PRKCB: variants seen among roughly 807,000 people sequenced by gnomAD.
The protein encoded by PRKCB is protein kinase C beta.
PRKCB carries 13 observed loss-of-function variants against 81.5 expected under a neutral mutation model. That is an observed-to-expected ratio of 0.16 (90% CI 0.10 to 0.25). The LOEUF is 0.25. PRKCB is among the 10% of genes least tolerant of loss of function. The probability of loss-of-function intolerance (pLI) is 1.00; values close to 1 mark genes in which losing one functional copy is unlikely to be tolerated. For missense variants in PRKCB, 509 were observed against 875.7 expected (o/e 0.58, Z 5.29); for synonymous variants, 335 against 321.4 (o/e 1.04, Z -0.45).
Position 24,218,096 on chromosome 16 carries a change from G to A in PRKCB, c.*3280G>A. On this transcript the variant is annotated 3_prime_UTR_variant, in exon 17 of 17. Coordinates refer to ENST00000643927, the MANE Select transcript of PRKCB (RefSeq NM_002738.7). The stretch of plus-strand genomic sequence containing the variant: ...TTCTTAGCACTGGAAATACACTAGT[G>A]AAGAAGCAGATGAGGACCCTGTTTA... 2 of 985,304 alleles carry A rather than the reference G, an allele frequency of 2.0e-6. No homozygotes were observed. Among genetic ancestry groups the A allele is most frequent in the Non-Finnish European group, 2.4e-6 (2 of 829,878 alleles). The allele number at this position is 985,304 out of a possible 1,614,324, so 61.0% of individuals were successfully genotyped here. A position where few individuals can be genotyped will look rare whatever the true frequency, so the allele number is the denominator to read the frequency against.
At chr16:24,080,550 A>G (rs1966237150) in intron 5 of PRKCB, among the ~76,000 whole-genome samples, 2 of 152,162 alleles carry the variant, frequency 1.3e-5, no homozygotes, top group South Asian at 4.2e-4. Context: ...GTTGTTGGAC[A>G]TGTTGAGTTT....
chr16:23,926,399 A>C (rs1450087791), intron 2 of PRKCB, among the ~76,000 whole-genome samples: 1 of 151,742 alleles, frequency 6.6e-6, no homozygotes, highest in Non-Finnish European at 1.5e-5. Context: ...TGGAAGAATC[A>C]CTTGAACCCG....
chr16:24,023,729 A>C (rs1241593880), intron 3 of PRKCB, among the ~76,000 whole-genome samples: 1 of 152,104 alleles, frequency 6.6e-6, no homozygotes, highest in Non-Finnish European at 1.5e-5. Flanking sequence ...GGAAATATTG[A>C]AATACTCTGA....
At chr16:24,139,192 A>G (rs202215306) in intron 9 of PRKCB, among the ~76,000 whole-genome samples, 1 of 55,678 alleles carries the variant, frequency 1.8e-5, no homozygotes, top group Non-Finnish European at 3.4e-5. Context: ...TTTGCTTAGG[A>G]TAAGGATAAG....
At chr16:24,118,885 C>A (rs552804036) in intron 8 of PRKCB, among the ~76,000 whole-genome samples, 4 of 152,198 alleles carry the variant, frequency 2.6e-5, no homozygotes, top group African/African-American at 7.2e-5. Context: ...GGACAAAGGA[C>A]AGGGCTCCTG....
Position 24,215,003 on chromosome 16 carries a change from C to T in PRKCB, c.*187C>T. The T allele has an allele frequency of 7.2e-7, 1 of 1,397,290 alleles. No individual in the cohort carries two copies. Among genetic ancestry groups the T allele is most frequent in the Non-Finnish European group, 9.3e-7 (1 of 1,077,990 alleles). The allele number at this position is 1,397,290 out of a possible 1,614,324, so 86.6% of individuals were successfully genotyped here. On this transcript the variant is annotated 3_prime_UTR_variant, in exon 17 of 17. Transcript: ENST00000643927. ...AGCATCTCTATGAGATGGGATTATG[C>T]AGATGGCCTATGGAAAATGCAGCTG...
intron 2 of PRKCB, among the ~76,000 whole-genome samples, chr16:23,854,037 ATC>A (rs1167123874): frequency 1.3e-5 from 2 of 148,190 alleles, no homozygotes; most frequent in Non-Finnish European, 3.0e-5. Flanking sequence ...AAACCATCAG[ATC>A]TCGTGAGACT....
At chr16:24,087,536 G>T (rs759126332) in intron 5 of PRKCB, among the ~76,000 whole-genome samples, 1 of 152,108 alleles carries the variant, frequency 6.6e-6, no homozygotes, top group African/African-American at 2.4e-5. Context: ...TCCTTCACTG[G>T]AATGAATTAC....
intron 2 of PRKCB, among the ~76,000 whole-genome samples, chr16:23,981,405 T>A (rs1053482831): frequency 6.6e-6 from 1 of 151,924 alleles, no homozygotes; most frequent in African/African-American, 2.4e-5. Flanking sequence ...TTTCTCAAGA[T>A]CCTTAATTTA....
chr16:24,202,472 T>C (rs1359780227), intron 16 of PRKCB, among the ~76,000 whole-genome samples: 1 of 152,196 alleles, frequency 6.6e-6, no homozygotes, highest in Non-Finnish European at 1.5e-5. Context: ...TATTAGGTGC[T>C]CTAATCCTTT....
chr16:24,205,145 C>CTTTTT (rs71154289), intron 16 of PRKCB, among the ~76,000 whole-genome samples: 1 of 115,674 alleles, frequency 8.6e-6, no homozygotes, highest in Admixed American at 9.8e-5. Context: ...ATTATAATTC[C>CTTTTT]TTTTTTTTTT....
At chr16:23,863,710 G>A (rs922858569) in intron 2 of PRKCB, among the ~76,000 whole-genome samples, 2 of 152,196 alleles carry the variant, frequency 1.3e-5, no homozygotes, top group Non-Finnish European at 2.9e-5. Flanking sequence ...CCTGGAGTCA[G>A]TCTTGTCCGC....
intron 12 of PRKCB, among the ~76,000 whole-genome samples, chr16:24,178,416 G>T (rs972987428): frequency 6.6e-6 from 1 of 152,220 alleles, no homozygotes; most frequent in African/African-American, 2.4e-5. Flanking sequence ...CCAGCCTCAG[G>T]ACTGCCTGGC....
intron 7 of PRKCB, among the ~76,000 whole-genome samples, chr16:24,096,544 T>A (rs1314562610): frequency 6.6e-6 from 1 of 150,676 alleles, no homozygotes; most frequent in Non-Finnish European, 1.5e-5. Flanking sequence ...TCCTTGGGAG[T>A]CCTTAGCAAG....
chr16:24,168,639 C>A (rs1967388272), intron 10 of PRKCB, among the ~76,000 whole-genome samples: 1 of 134,572 alleles, frequency 7.4e-6, no homozygotes, highest in Non-Finnish European at 1.6e-5. Context: ...TAGCCTTGAA[C>A]TCCTGGGCTC....
chr16:24,022,920 T>A (rs1471114167), intron 3 of PRKCB, among the ~76,000 whole-genome samples: 1 of 152,248 alleles, frequency 6.6e-6, no homozygotes, highest in Admixed American at 6.5e-5. Flanking sequence ...GGTTCCACAC[T>A]GTGGCCCCTG....
rs147762023 is a variant in PRKCB at position 23,942,008 on chromosome 16, T to A, written c.206-46500T>A. The stretch of plus-strand genomic sequence containing the variant: ...ATTTTAGCAACTCTAAAGGAATCCA[T>A]TGAAAAACTATTAGTACAAATAACA... On this transcript the variant is annotated intron_variant, in intron 2 of 16. Coordinates refer to ENST00000643927, the MANE Select transcript of PRKCB (RefSeq NM_002738.7). 3.3e-3 allele frequency among the ~76,000 whole-genome samples: 501 copies of A among 152,342 alleles called. 1 individual carries two copies. Among genetic ancestry groups the A allele is most frequent in the Middle Eastern group, 0.014 (4 of 294 alleles).
chr16:23,931,254 C>A (rs1441430173), intron 2 of PRKCB, among the ~76,000 whole-genome samples: 1 of 152,114 alleles, frequency 6.6e-6, no homozygotes. Flanking sequence ...ATGGTTGTCC[C>A]AAGATTCTGG....
intron 13 of PRKCB, among the ~76,000 whole-genome samples, chr16:24,181,704 G>C (rs942113066): frequency 2.1e-5 from 3 of 143,010 alleles, no homozygotes; most frequent in African/African-American, 7.8e-5. Flanking sequence ...GGAGGTCCAG[G>C]CTGCAGTGAG....
Sources: gnomAD v4.1 joint callset for allele counts (sites outside exome capture counted in the v4.1 genomes callset) on GRCh38, gnomAD v4.1.1 for gene constraint, MANE v1.5 for transcripts, NCBI Gene and HGNC (gene_info 2026-07-23, HGNC 2026-07-21) for gene names.